Variants in TXNDC16 observed in about 807,000 individuals in gnomAD.
TXNDC16 encodes thioredoxin domain-containing protein 16.
In TXNDC16, 74 loss-of-function variants were observed where a neutral mutation model predicts 85.6. The observed-to-expected ratio is 0.86, with a 90% confidence interval of 0.72 to 1.05. TXNDC16 has a LOEUF of 1.05. Ranked by LOEUF, TXNDC16 falls within the 50% of genes least tolerant of loss-of-function variation. TXNDC16 has a pLI of 0.00. For missense variants in TXNDC16, 959 were observed against 947.0 expected, an observed-to-expected ratio of 1.01 and a Z score of -0.17; for synonymous variants, 335 against 326.5, an observed-to-expected ratio of 1.03 and a Z score of -0.28.
chr14:52,511,211 C>A, intron 9 of TXNDC16, 29 bp downstream of exon 9: 2 of 1,444,136 alleles, frequency 1.4e-6, no homozygotes, highest in South Asian at 1.7e-5. Context: ...CAGTAGAAAG[C>A]AAATAAAAAT....
chr14:52,504,229 C>T (rs188202887), intron 9 of TXNDC16, among the ~76,000 whole-genome samples: 1 of 152,070 alleles, frequency 6.6e-6, no homozygotes, highest in African/African-American at 2.4e-5. Context: ...ACACCACAAA[C>T]ATACTCCTCG....
At chr14:52,499,841 C>A (rs1365672510) in intron 9 of TXNDC16, among the ~76,000 whole-genome samples, 1 of 152,134 alleles carries the variant, frequency 6.6e-6, no homozygotes, top group Non-Finnish European at 1.5e-5. Flanking sequence ...CATATACCTA[C>A]ACGCTCCATC....
At chr14:52,490,254 C>G in intron 11 of TXNDC16, 137 bp downstream of exon 11, 1 of 525,870 alleles carries the variant, frequency 1.9e-6, no homozygotes, top group Non-Finnish European at 3.2e-6. Context: ...AACATCAAAA[C>G]GTTAACAGCA....
intron 9 of TXNDC16, among the ~76,000 whole-genome samples, chr14:52,501,639 G>C (rs537183540): frequency 6.6e-6 from 1 of 152,254 alleles, no homozygotes; most frequent in South Asian, 2.1e-4. Flanking sequence ...TATGAAGTCG[G>C]CTACTAATAA....
chr14:52,505,976 A>G (rs1000568515), intron 9 of TXNDC16, among the ~76,000 whole-genome samples: 1 of 152,246 alleles, frequency 6.6e-6, no homozygotes, highest in African/African-American at 2.4e-5. Context: ...AATCTAGAAG[A>G]AATAGATAAA....
intron 7 of TXNDC16, among the ~76,000 whole-genome samples, chr14:52,517,513 C>G (rs1342057687): frequency 6.6e-6 from 1 of 152,044 alleles, no homozygotes; most frequent in African/African-American, 2.4e-5. Context: ...AATTAAAAAA[C>G]AAACCAAAAA....
At chr14:52,463,116 TAA>T in intron 16 of TXNDC16, 1 of 367,284 alleles carries the variant, frequency 2.7e-6, no homozygotes, top group South Asian at 2.1e-5. Flanking sequence ...TAACTAGATC[TAA>T]GTCAGTTAAT....
intron 15 of TXNDC16, 84 bp from the exon 16 acceptor site, chr14:52,470,257 A>C (rs937591510): frequency 1.1e-5 from 11 of 1,026,176 alleles, no homozygotes; most frequent in South Asian, 7.6e-5. Flanking sequence ...AACATAGCAA[A>C]CAATATATTA....
intron 1 of TXNDC16, among the ~76,000 whole-genome samples, chr14:52,547,127 T>C (rs1200061840): frequency 6.6e-6 from 1 of 152,184 alleles, no homozygotes; most frequent in Non-Finnish European, 1.5e-5. Context: ...AAAGACTAGA[T>C]GTTCAAAACT....
chr14:52,536,584 A>T, intron 6 of TXNDC16, 135 bp downstream of exon 6: 2 of 802,796 alleles, frequency 2.5e-6, no homozygotes, highest in Non-Finnish European at 3.8e-6. Flanking sequence ...AAGATAGATT[A>T]GTAATTTGTG....
At chr14:52,509,056 A>T (rs902667113) in intron 9 of TXNDC16, among the ~76,000 whole-genome samples, 9 of 151,766 alleles carry the variant, frequency 5.9e-5, no homozygotes, top group Non-Finnish European at 8.8e-5. Flanking sequence ...AAAGTATAAT[A>T]AAAAAAACTA....
At chr14:52,495,622 C>A (rs2036513035) in intron 9 of TXNDC16, among the ~76,000 whole-genome samples, 1 of 152,016 alleles carries the variant, frequency 6.6e-6, no homozygotes, top group South Asian at 2.1e-4. Context: ...AAGGAGTGAA[C>A]CTCTTTTGCA....
At chr14:52,549,601 A>G (rs1257893916) in intron 1 of TXNDC16, among the ~76,000 whole-genome samples, 2 of 150,730 alleles carry the variant, frequency 1.3e-5, no homozygotes, top group African/African-American at 4.9e-5. Flanking sequence ...AGGGTACTGT[A>G]TGCAATAGTA....
Position 52,537,583 on chromosome 14 carries a change from C to G in TXNDC16, c.317+16G>C. ...TAGCTTTGTATTTGTCCAGCACACT[C>G]AGGAAAATAGCTTACTTGAATAAAT... On this transcript the variant is annotated intron_variant, in intron 5 of 20. Coordinates refer to ENST00000281741, the MANE Select transcript of TXNDC16 (RefSeq NM_020784.3). 1 of 1,539,626 alleles carries G rather than the reference C, an allele frequency of 6.5e-7. No individual in the cohort carries two copies. Among genetic ancestry groups the G allele is most frequent in the Non-Finnish European group, 9.0e-7 (1 of 1,115,054 alleles).
intron 14 of TXNDC16, among the ~76,000 whole-genome samples, chr14:52,471,919 A>T (rs1390951324): frequency 6.6e-6 from 1 of 150,422 alleles, no homozygotes; most frequent in East Asian, 1.9e-4. Flanking sequence ...AACTCGAAAG[A>T]ATAAATTCTA....
chr14:52,432,698 A>C, intron 20 of TXNDC16, 111 bp from the exon 21 acceptor site: 1 of 1,121,180 alleles, frequency 8.9e-7, no homozygotes, highest in Non-Finnish European at 1.2e-6. Flanking sequence ...TGAAAGTTTT[A>C]TTAGTTTTAC....
chr14:52,479,621 G>A (rs886352448), intron 14 of TXNDC16, among the ~76,000 whole-genome samples: 2 of 151,894 alleles, frequency 1.3e-5, no homozygotes, highest in African/African-American at 4.8e-5. Flanking sequence ...CCAAGGAGGT[G>A]AAAGACTTCT....
rs371517904 is a variant in TXNDC16, at chr14:52,453,049, T to C, written c.1842+2275A>G. On this transcript the variant is annotated intron_variant, in intron 18 of 20. Transcript: ENST00000281741. ...TCTGAATAGACATTTCTCAAAAAAA[T>C]ACATACAAACAGCAAACAGGTACAT... 1.7e-3 allele frequency among the ~76,000 whole-genome samples: 259 copies of C among 152,180 alleles called. 12 individuals carry two copies. In the South Asian group the frequency reaches 0.052, roughly 30 times the overall value.
intron 14 of TXNDC16, among the ~76,000 whole-genome samples, chr14:52,473,932 C>T (rs935348526): frequency 2.0e-5 from 3 of 152,136 alleles, no homozygotes. Context: ...ATAGTATAGG[C>T]TTCAACATAG....
Sources: gnomAD v4.1 joint callset for allele counts (sites outside exome capture counted in the v4.1 genomes callset) on GRCh38, gnomAD v4.1.1 for gene constraint, MANE v1.5 for transcripts, NCBI Gene and HGNC (gene_info 2026-07-23, HGNC 2026-07-21) for gene names.